Variants in PCDHGA12 observed in about 807,000 individuals in gnomAD.
PCDHGA12 encodes the protein protocadherin gamma subfamily A, 12.
In PCDHGA12, 43 loss-of-function variants were observed where a neutral mutation model predicts 61.1. That is an observed-to-expected ratio of 0.70 (90% confidence interval 0.55 to 0.91). PCDHGA12 has a LOEUF of 0.91. PCDHGA12 is among the 40% of genes least tolerant of loss of function. The probability of loss-of-function intolerance (pLI) is 0.00; values close to 1 mark genes in which losing one functional copy is unlikely to be tolerated. For synonymous variants in PCDHGA12, 520 were observed against 542.9 expected (o/e 0.96, Z 0.59); for missense variants, 1,236 against 1,227.7 (o/e 1.01, Z -0.10).
chr5:141,510,359 T>A (rs1229932307), intron 3 of PCDHGA12, among the ~76,000 whole-genome samples: 3 of 143,318 alleles, frequency 2.1e-5, no homozygotes, highest in African/African-American at 7.7e-5. Flanking sequence ...CTAACGGAAC[T>A]ACCGAATCTC....
At chr5:141,433,397 A>C (rs189987785) in intron 1 of PCDHGA12, among the ~76,000 whole-genome samples, 2 of 150,410 alleles carry the variant, frequency 1.3e-5, no homozygotes, top group African/African-American at 4.9e-5. Context: ...CTATCTATCT[A>C]TCTATCTATT....
rs781267293 is a variant in PCDHGA12 at position 141,489,926 on chromosome 5, C to T, written c.2425-4881C>T. 1.2e-6 allele frequency: 2 copies of T among 1,614,222 alleles called. No individual in the cohort carries two copies. The highest frequency in any genetic ancestry group is 2.2e-5 in the East Asian group (1 of 44,878). On this transcript the variant is annotated intron_variant, in intron 1 of 3. Coordinates refer to ENST00000252085, the MANE Select transcript of PCDHGA12 (RefSeq NM_003735.3). The surrounding 1 kb of genome is among the most constrained non-coding windows in gnomAD (Gnocchi z 4.5). Reference sequence around the variant, plus strand: ...GCCCGCTCAGGGACCACCCTTATCTCTGTCATCGTGCTGGACATCAATGAT... The same window carrying T: ...GCCCGCTCAGGGACCACCCTTATCTTTGTCATCGTGCTGGACATCAATGAT...
At position 141,450,754 on chromosome 5, in the gene PCDHGA12, C is replaced by T. The variant is rs192088793; in HGVS notation, c.2424+17571C>T. Among the ~76,000 whole-genome samples, 54 of 151,098 alleles carry T rather than the reference C, an allele frequency of 3.6e-4. 1 individual carries two copies. Among genetic ancestry groups the T allele is most frequent in the African/African-American group, 1.1e-3 (47 of 41,192 alleles). ...CGCCCGCCTTGGCCTCCCAAAGTGC[C>T]GGGATTACAGGCATGAGCCACCGTG... On this transcript the variant is annotated intron_variant, in intron 1 of 3. Transcript: ENST00000252085.
At chr5:141,470,416 A>AT (rs1300623208) in intron 1 of PCDHGA12, among the ~76,000 whole-genome samples, 3 of 152,134 alleles carry the variant, frequency 2.0e-5, no homozygotes, top group African/African-American at 7.2e-5. Flanking sequence ...GATTTTATGT[A>AT]TTTTTTCCTT....
At chr5:141,466,709 T>C (rs2099127779) in intron 1 of PCDHGA12, among the ~76,000 whole-genome samples, 1 of 152,212 alleles carries the variant, frequency 6.6e-6, no homozygotes, top group Non-Finnish European at 1.5e-5. Flanking sequence ...TGATGTCTGT[T>C]CTTGTTTCCA....
At chr5:141,504,203 A>G (rs2099836487) in intron 2 of PCDHGA12, among the ~76,000 whole-genome samples, 1 of 152,248 alleles carries the variant, frequency 6.6e-6, no homozygotes, top group Non-Finnish European at 1.5e-5. Context: ...TCACTGTGGG[A>G]AAATTCCAAG....
intron 1 of PCDHGA12, among the ~76,000 whole-genome samples, chr5:141,456,166 G>A (rs531975607): frequency 6.6e-6 from 1 of 152,148 alleles, no homozygotes; most frequent in African/African-American, 2.4e-5. Flanking sequence ...TAAAGTGCTG[G>A]GATTACAGAA....
chr5:141,458,597 T>C (rs940896214), intron 1 of PCDHGA12, among the ~76,000 whole-genome samples: 18 of 151,988 alleles, frequency 1.2e-4, no homozygotes, highest in Non-Finnish European at 2.4e-4. Context: ...TGGAGACGAG[T>C]CTCACTCTGT....
In PCDHGA12 at chr5:141,512,022, C is replaced by T. The variant is rs2154594692; in HGVS notation, c.*849C>T. The T allele has an allele frequency of 6.5e-6, 1 of 152,990 alleles. No individual in the cohort carries two copies. The highest frequency in any genetic ancestry group is 1.9e-4 in the East Asian group (1 of 5,186). The allele number at this position is 152,990 out of a possible 1,614,324, so 9.5% of individuals were successfully genotyped here. A position where few individuals can be genotyped will look rare whatever the true frequency, so the allele number is the denominator to read the frequency against. The stretch of plus-strand genomic sequence containing the variant: ...AGCTTGACACATCAAGTTATCAAGG[C>T]CTTGGAGGAGGCTCTGTATGTCCTC... On this transcript the variant is annotated 3_prime_UTR_variant, in exon 4 of 4. Transcript: ENST00000252085.
In PCDHGA12 at chr5:141,477,928, C is replaced by T; in HGVS notation, c.2425-16879C>T. On this transcript the variant is annotated intron_variant, in intron 1 of 3. Coordinates refer to ENST00000252085, the MANE Select transcript of PCDHGA12 (RefSeq NM_003735.3). This position sits in a 1 kb window ranked among gnomAD's most constrained non-coding sequence, Gnocchi z 4.9. ...GGGACGCGGATGCAGGGCACAATGC[C>T]TGGCTCTCCTACAGTCTCTTGGGAT... The T allele has an allele frequency of 6.2e-7, 1 of 1,614,186 alleles. No individual in the cohort carries two copies.
rs368153419 is a variant in PCDHGA12 at position 141,476,458 on chromosome 5, C to T, written c.2425-18349C>T. 1 of 1,614,044 alleles carries T rather than the reference C, an allele frequency of 6.2e-7. No homozygotes were observed. Among genetic ancestry groups the T allele is most frequent in the Non-Finnish European group, 8.5e-7 (1 of 1,180,014 alleles). On this transcript the variant is annotated intron_variant, in intron 1 of 3. Coordinates refer to ENST00000252085, the MANE Select transcript of PCDHGA12 (RefSeq NM_003735.3). The surrounding 1 kb of genome is among the most constrained non-coding windows in gnomAD (Gnocchi z 7.6). ...TAACTCTGGAGTTGGTAGTGGAGAA[C>T]CCGCTGGAGCTGTTCAGCGTGGAAG...
chr5:141,439,669 A>T (rs983024479), intron 1 of PCDHGA12, among the ~76,000 whole-genome samples: 4 of 152,174 alleles, frequency 2.6e-5, no homozygotes, highest in Non-Finnish European at 5.9e-5. Context: ...ATGGAATGCA[A>T]ATCCAAGAGC....
rs2099425622 is a variant in PCDHGA12, at chr5:141,477,947, T to C, written c.2425-16860T>C. Reference sequence around the variant, plus strand: ...CAATGCCTGGCTCTCCTACAGTCTCTTGGGATCCCCTAACCAGAGCCTTTT... The same window carrying C: ...CAATGCCTGGCTCTCCTACAGTCTCCTGGGATCCCCTAACCAGAGCCTTTT... On this transcript the variant is annotated intron_variant, in intron 1 of 3. Coordinates refer to ENST00000252085, the MANE Select transcript of PCDHGA12 (RefSeq NM_003735.3). The surrounding 1 kb of genome is among the most constrained non-coding windows in gnomAD (Gnocchi z 4.9). 1.9e-6 allele frequency: 3 copies of C among 1,614,132 alleles called. No homozygotes were observed. Among genetic ancestry groups the C allele is most frequent in the Non-Finnish European group, 2.5e-6 (3 of 1,180,018 alleles).
intron 2 of PCDHGA12, among the ~76,000 whole-genome samples, chr5:141,500,838 GGCTTTT>G (rs2099802886): frequency 6.6e-6 from 1 of 151,878 alleles, no homozygotes. Flanking sequence ...AATGCTAATG[GGCTTTT>G]GCTACATTAG....
At chr5:141,498,669 C>T (rs774292307) in intron 2 of PCDHGA12, among the ~76,000 whole-genome samples, 29 of 152,156 alleles carry the variant, frequency 1.9e-4, no homozygotes, top group African/African-American at 6.0e-4. Flanking sequence ...TGGTGGCTCA[C>T]GCCTGTAATC....
Position 141,489,791 on chromosome 5 carries a change from C to G in PCDHGA12, c.2425-5016C>G. ...AGCCACTTCTCTCTGAATGTGAAGA[C>G]CCTAAAAGATGGGAAGCCATTCCCA... On this transcript the variant is annotated intron_variant, in intron 1 of 3. Transcript: ENST00000252085. The surrounding 1 kb of genome is among the most constrained non-coding windows in gnomAD (Gnocchi z 4.5). 2 of 1,614,174 alleles carry G rather than the reference C, an allele frequency of 1.2e-6. No individual in the cohort carries two copies. The highest frequency in any genetic ancestry group is 1.7e-6 in the Non-Finnish European group (2 of 1,180,002).
intron 3 of PCDHGA12, among the ~76,000 whole-genome samples, chr5:141,506,444 C>CAA (rs1219684339): frequency 1.2e-3 from 116 of 94,976 alleles, no homozygotes; most frequent in African/African-American, 4.2e-3. Flanking sequence ...CGCTCTGTCT[C>CAA]AAAAAAAAAA....
rs756146067 is a variant in PCDHGA12, at chr5:141,477,534, G to C, written c.2425-17273G>C. On this transcript the variant is annotated intron_variant, in intron 1 of 3. Transcript: ENST00000252085. This position sits in a 1 kb window ranked among gnomAD's most constrained non-coding sequence, Gnocchi z 4.9. ...TACATTGAAGAAAACAACCTCCCCG[G>C]GGCTCCAATACTAAACCTAAGTGTC... 1.9e-6 allele frequency: 3 copies of C among 1,614,008 alleles called. No homozygotes were observed. Among genetic ancestry groups the C allele is most frequent in the East Asian group, 4.5e-5 (2 of 44,870 alleles).
intron 1 of PCDHGA12, among the ~76,000 whole-genome samples, chr5:141,450,572 T>C (rs1276283357): frequency 6.6e-6 from 1 of 151,710 alleles, no homozygotes; most frequent in Non-Finnish European, 1.5e-5. Context: ...CTGCAACTTC[T>C]GCCTCCCAGG....
Sources: allele counts gnomAD v4.1 joint callset (sites outside exome capture counted in the v4.1 genomes callset), GRCh38; gene constraint gnomAD v4.1.1; non-coding constraint Gnocchi (gnomAD v3.1); transcripts MANE v1.5; gene names NCBI Gene and HGNC (gene_info 2026-07-23, HGNC 2026-07-21).